Variants in SNTB1 observed in about 807,000 individuals in gnomAD.
SNTB1 encodes the protein beta-1-syntrophin.
Under a neutral mutation model 48.9 loss-of-function variants are expected in SNTB1, and 36 were observed. The observed-to-expected ratio is 0.74, with a 90% confidence interval of 0.56 to 0.97. SNTB1 has a LOEUF of 0.97. Among genes scored for constraint, SNTB1 ranks in the 50% least tolerant of loss-of-function variants. The pLI is 0.00. For missense variants in SNTB1, 786 were observed against 703.4 expected, an observed-to-expected ratio of 1.12 and a Z score of -1.33; for synonymous variants, 299 against 294.6, an observed-to-expected ratio of 1.01 and a Z score of -0.15.
intron 3 of SNTB1, among the ~76,000 whole-genome samples, chr8:120,607,784 C>T (rs561330913): frequency 2.0e-5 from 3 of 152,288 alleles, no homozygotes; most frequent in African/African-American, 7.2e-5. Flanking sequence ...TAGGTTTCAG[C>T]ATGACTTGTG....
Position 120,607,168 on chromosome 8 carries a change from A to T in SNTB1, c.996+25276T>A, listed in dbSNP as rs1180801768. On this transcript the variant is annotated intron_variant, in intron 3 of 6. Coordinates refer to ENST00000517992, the MANE Select transcript of SNTB1 (RefSeq NM_021021.4). The stretch of plus-strand genomic sequence containing the variant: ...AAATAATAAAGATTCCAAGTATAAT[A>T]GTCAAAGGTAATAAAAGTGAATAGA... Among the ~76,000 whole-genome samples the T allele has an allele frequency of 2.0e-5, 3 of 152,218 alleles. No homozygotes were observed. In the East Asian group the frequency reaches 5.8e-4, roughly 29 times the overall value.
intron 2 of SNTB1, among the ~76,000 whole-genome samples, chr8:120,679,856 G>C (rs1235724995): frequency 1.0e-5 from 1 of 98,688 alleles, no homozygotes; most frequent in African/African-American, 1.0e-4. Flanking sequence ...CATCTCTTGA[G>C]ATATTTTTTT....
At chr8:120,724,275 G>C (rs916436490) in intron 1 of SNTB1, among the ~76,000 whole-genome samples, 2 of 152,204 alleles carry the variant, frequency 1.3e-5, no homozygotes, top group African/African-American at 4.8e-5. Context: ...AGATGAGTGA[G>C]AGCCATGGGC....
chr8:120,726,274 A>G (rs923573690), intron 1 of SNTB1, among the ~76,000 whole-genome samples: 9 of 152,186 alleles, frequency 5.9e-5, no homozygotes, highest in African/African-American at 1.9e-4. Flanking sequence ...TTTTAGCACT[A>G]AGATTATCTT....
At chr8:120,703,622 G>T (rs1818339112) in intron 1 of SNTB1, among the ~76,000 whole-genome samples, 1 of 152,194 alleles carries the variant, frequency 6.6e-6, no homozygotes, top group Non-Finnish European at 1.5e-5. Context: ...GAGAAAAAAT[G>T]CTGAGGGCTT....
At chr8:120,674,863 A>T (rs1378990128) in intron 2 of SNTB1, among the ~76,000 whole-genome samples, 1 of 152,202 alleles carries the variant, frequency 6.6e-6, no homozygotes. Flanking sequence ...TCTAAAAAAA[A>T]TCCTAGTAAT....
At chr8:120,642,041 C>T (rs1563839398) in intron 2 of SNTB1, among the ~76,000 whole-genome samples, 1 of 152,168 alleles carries the variant, frequency 6.6e-6, no homozygotes, top group Non-Finnish European at 1.5e-5. Context: ...CATCTCAGGC[C>T]TACTTAACTA....
intron 1 of SNTB1, among the ~76,000 whole-genome samples, chr8:120,710,948 A>T (rs1818452769): frequency 6.6e-6 from 1 of 152,244 alleles, no homozygotes; most frequent in Non-Finnish European, 1.5e-5. Context: ...CTGGGTACTG[A>T]TATGAATCTC....
At chr8:120,666,562 C>T (rs1434281355) in intron 2 of SNTB1, among the ~76,000 whole-genome samples, 1 of 151,852 alleles carries the variant, frequency 6.6e-6, no homozygotes, top group Non-Finnish European at 1.5e-5. Context: ...TTACAATGTA[C>T]TTTGGTGTCA....
chr8:120,668,101 C>G lies in SNTB1; in HGVS notation c.788+25591G>C, dbSNP rs1050251787. ...AATCTCCAGGATTCTCTGTGTAGTT[C>G]TCTCCTTACTGGTATCTGCCTTGTG... is the stretch of plus-strand genomic sequence containing the variant. On this transcript the variant is annotated intron_variant, in intron 2 of 6. Coordinates refer to ENST00000517992, the MANE Select transcript of SNTB1 (RefSeq NM_021021.4). Among the ~76,000 whole-genome samples, 5 of 152,322 alleles carry G rather than the reference C, an allele frequency of 3.3e-5. No individual in the cohort carries two copies. The East Asian group carries it at 9.7e-4, about 29-fold the overall frequency.
At chr8:120,570,571 G>A (rs1211595755) in intron 4 of SNTB1, 1 of 152,226 alleles carries the variant, frequency 6.6e-6, no homozygotes, top group Non-Finnish European at 1.5e-5. Flanking sequence ...CACCACCTGG[G>A]GTGATTCCTG....
chr8:120,649,849 G>A (rs1335380241), intron 2 of SNTB1, among the ~76,000 whole-genome samples: 1 of 152,044 alleles, frequency 6.6e-6, no homozygotes, highest in Non-Finnish European at 1.5e-5. Context: ...TCTGAGCCAG[G>A]TGTGGGATAT....
intron 2 of SNTB1, among the ~76,000 whole-genome samples, chr8:120,682,346 G>T (rs543923657): frequency 5.2e-4 from 79 of 152,252 alleles, no homozygotes; most frequent in Middle Eastern, 3.4e-3. Flanking sequence ...AAAAGGGACT[G>T]TATGAGATCT....
At chr8:120,732,424 G>T (rs1455924076) in intron 1 of SNTB1, among the ~76,000 whole-genome samples, 1 of 152,176 alleles carries the variant, frequency 6.6e-6, no homozygotes, top group Non-Finnish European at 1.5e-5. Context: ...GAGGATGTGG[G>T]TTCTGCCTTC....
chr8:120,660,199 T>C (rs1281679274), intron 2 of SNTB1, among the ~76,000 whole-genome samples: 1 of 152,242 alleles, frequency 6.6e-6, no homozygotes, highest in Non-Finnish European at 1.5e-5. Flanking sequence ...TCTGAAGATG[T>C]GAAGACAATG....
intron 1 of SNTB1, among the ~76,000 whole-genome samples, chr8:120,803,504 A>G (rs566647195): frequency 1.3e-5 from 2 of 152,314 alleles, no homozygotes; most frequent in African/African-American, 4.8e-5. Context: ...ACAGCTTTGA[A>G]GTGCATCATT....
intron 1 of SNTB1, among the ~76,000 whole-genome samples, chr8:120,781,517 T>A (rs985152112): frequency 6.6e-6 from 1 of 152,140 alleles, no homozygotes; most frequent in Admixed American, 6.5e-5. Context: ...ACTCACAAAG[T>A]CACAAAAAGA....
chr8:120,743,815 A>G (rs929407304), intron 1 of SNTB1, among the ~76,000 whole-genome samples: 5 of 152,182 alleles, frequency 3.3e-5, no homozygotes, highest in African/African-American at 1.2e-4. Flanking sequence ...CAATACAATA[A>G]AATGTCATTT....
In SNTB1 at chr8:120,766,059, C is replaced by T. The variant is rs1306071627; in HGVS notation, c.571+45214G>A. 8.5e-5 allele frequency among the ~76,000 whole-genome samples: 13 copies of T among 152,222 alleles called. 1 individual carries two copies. Among genetic ancestry groups the T allele is most frequent in the Admixed American group, 2.0e-4 (3 of 15,276 alleles). ...TTTAAAATTATTCAGTACTCAGCAGCCATTTGAATGTTTAATAGAACAAGG... is the reference window on the plus strand; with the variant it reads ...TTTAAAATTATTCAGTACTCAGCAGTCATTTGAATGTTTAATAGAACAAGG... On this transcript the variant is annotated intron_variant, in intron 1 of 6. Coordinates refer to ENST00000517992, the MANE Select transcript of SNTB1 (RefSeq NM_021021.4).
Sources: allele counts gnomAD v4.1 joint callset (sites outside exome capture counted in the v4.1 genomes callset), GRCh38; gene constraint gnomAD v4.1.1; transcripts MANE v1.5; gene names NCBI Gene and HGNC (gene_info 2026-07-23, HGNC 2026-07-21).